The following SKAP2 variants were observed in gnomAD, a reference collection of about 807,000 sequenced individuals.
SKAP2 encodes the protein src kinase-associated phosphoprotein 2.
In SKAP2, 28 loss-of-function variants were observed where a neutral mutation model predicts 54.9. That is an observed-to-expected ratio of 0.51 (90% CI 0.38 to 0.70). SKAP2 has a LOEUF of 0.70. Ranked by LOEUF, SKAP2 falls within the 30% of genes least tolerant of loss-of-function variation. SKAP2 has a pLI of 0.00. For synonymous variants in SKAP2, 137 were observed against 134.3 expected, an observed-to-expected ratio of 1.02 and a Z score of -0.14; for missense variants, 356 against 424.1, an observed-to-expected ratio of 0.84 and a Z score of 1.41.
chr7:26,681,706 G>T (rs1786504403), intron 11 of SKAP2, among the ~76,000 whole-genome samples: 1 of 151,946 alleles, frequency 6.6e-6, no homozygotes, highest in Admixed American at 6.6e-5. Flanking sequence ...CTTTTAAATG[G>T]TCTTATTTAT....
intron 3 of SKAP2, among the ~76,000 whole-genome samples, chr7:26,850,140 A>T (rs1363161450): frequency 2.0e-5 from 3 of 152,224 alleles, no homozygotes; most frequent in African/African-American, 7.2e-5. Flanking sequence ...TTTCAAGTCA[A>T]CTAAGAGACC....
intron 4 of SKAP2, among the ~76,000 whole-genome samples, chr7:26,809,354 A>C (rs920118443): frequency 1.3e-5 from 2 of 152,154 alleles, no homozygotes; most frequent in African/African-American, 4.8e-5. Flanking sequence ...CAGAGGTTGC[A>C]GTGAGCCAAG....
intron 4 of SKAP2, among the ~76,000 whole-genome samples, chr7:26,804,853 A>AG (rs1477621216): frequency 2.0e-5 from 3 of 152,218 alleles, no homozygotes; most frequent in African/African-American, 7.2e-5. Flanking sequence ...ACTAGTAAAA[A>AG]GAAAAGCCAG....
chr7:26,689,883 A>G, intron 10 of SKAP2, among the ~76,000 whole-genome samples: 1 of 152,202 alleles, frequency 6.6e-6, no homozygotes, highest in East Asian at 1.9e-4. Flanking sequence ...GTTCTGCTCA[A>G]GCACAAAGTA....
chr7:26,665,777 G>A (rs1474128083), downstream of SKAP2, among the ~76,000 whole-genome samples: 2 of 152,098 alleles, frequency 1.3e-5, no homozygotes, highest in African/African-American at 2.4e-5. Context: ...AAAGCAGTAG[G>A]CGTATAATAA....
chr7:26,814,270 C>A, intron 4 of SKAP2, among the ~76,000 whole-genome samples: 1 of 152,020 alleles, frequency 6.6e-6, no homozygotes, highest in Non-Finnish European at 1.5e-5. Flanking sequence ...TTTTCTATAG[C>A]CCACCTCCTC....
At chr7:26,680,538 T>C (rs1786468368) in intron 11 of SKAP2, among the ~76,000 whole-genome samples, 1 of 152,212 alleles carries the variant, frequency 6.6e-6, no homozygotes, top group African/African-American at 2.4e-5. Context: ...TCACTAACAA[T>C]ACAACTGTCA....
chr7:26,721,089 A>C (rs1185262391), intron 9 of SKAP2, among the ~76,000 whole-genome samples: 1 of 152,218 alleles, frequency 6.6e-6, no homozygotes, highest in Non-Finnish European at 1.5e-5. Flanking sequence ...ATGTGGTTCT[A>C]TGAAAATTAA....
intron 4 of SKAP2, among the ~76,000 whole-genome samples, chr7:26,781,371 C>T (rs1783422505): frequency 6.6e-6 from 1 of 152,002 alleles, no homozygotes; most frequent in South Asian, 2.1e-4. Flanking sequence ...TATTAGCCCA[C>T]CTTTCATATG....
intron 7 of SKAP2, among the ~76,000 whole-genome samples, chr7:26,726,382 T>G (rs1787709801): frequency 6.6e-6 from 1 of 152,144 alleles, no homozygotes; most frequent in African/African-American, 2.4e-5. Context: ...TAACTGGCTT[T>G]CAACTGCAAT....
intron 4 of SKAP2, among the ~76,000 whole-genome samples, chr7:26,825,580 TAAAAA>T (rs3069884): frequency 2.3e-5 from 3 of 129,080 alleles, no homozygotes; most frequent in Non-Finnish European, 4.9e-5. Flanking sequence ...AGCAAACAGT[TAAAAA>T]AAAAAAAAAA....
rs1233526177 is a variant in SKAP2, at chr7:26,725,336, CGAG to C, written c.796+89_796+91del. ...GGTCACCATTTTCTACTCAAGCTGTCGAGGACAAATCACACACACAAACACACA... is the reference window on the plus strand; with the variant it reads ...GGTCACCATTTTCTACTCAAGCTGTCGACAAATCACACACACAAACACACA... On this transcript the variant is annotated intron_variant, in intron 9 of 12. Transcript: ENST00000345317. 1.7e-5 allele frequency: 15 copies of C among 877,302 alleles called. No individual in the cohort carries two copies. The African/African-American group carries it at 2.6e-4, about 15-fold the overall frequency. The allele number at this position is 877,302 out of a possible 1,614,324, so 54.3% of individuals were successfully genotyped here.
At chr7:26,655,460 T>C in the SKAP2 span, among the ~76,000 whole-genome samples, 10 of 152,188 alleles carry the variant, frequency 6.6e-5, no homozygotes, top group African/African-American at 9.6e-5. Context: ...TTGTAAACCA[T>C]TGTATGATGA....
At chr7:26,762,913 A>C (rs1782964268) in intron 4 of SKAP2, among the ~76,000 whole-genome samples, 1 of 152,202 alleles carries the variant, frequency 6.6e-6, no homozygotes, top group Non-Finnish European at 1.5e-5. Context: ...AGAGAACAAA[A>C]TAATGCCCTT....
At chr7:26,779,769 G>T (rs1419623912) in intron 4 of SKAP2, among the ~76,000 whole-genome samples, 1 of 151,938 alleles carries the variant, frequency 6.6e-6, no homozygotes, top group Non-Finnish European at 1.5e-5. Flanking sequence ...ATAAACAACA[G>T]AAAATATGCC....
chr7:26,859,032 A>T (rs1785230114), intron 1 of SKAP2, among the ~76,000 whole-genome samples: 1 of 152,108 alleles, frequency 6.6e-6, no homozygotes, highest in Non-Finnish European at 1.5e-5. Flanking sequence ...CCTGAATTGT[A>T]TGGGGGAGGG....
intron 4 of SKAP2, among the ~76,000 whole-genome samples, chr7:26,750,873 A>T (rs1482705073): frequency 2.0e-5 from 3 of 152,160 alleles, no homozygotes; most frequent in Non-Finnish European, 4.4e-5. Flanking sequence ...TTTCCACTCA[A>T]CTATGCTTTA....
chr7:26,844,706 A>G (rs959325305), intron 3 of SKAP2, among the ~76,000 whole-genome samples: 5 of 152,112 alleles, frequency 3.3e-5, no homozygotes, highest in Non-Finnish European at 7.4e-5. Context: ...CAGAGCACAA[A>G]TCTTTTAAAA....
intron 4 of SKAP2, among the ~76,000 whole-genome samples, chr7:26,828,104 G>A (rs919937820): frequency 5.3e-5 from 8 of 151,996 alleles, no homozygotes; most frequent in East Asian, 1.9e-4. Flanking sequence ...AGATCCCACC[G>A]CTATAACTAT....
Sources: allele counts gnomAD v4.1 joint callset (sites outside exome capture counted in the v4.1 genomes callset), GRCh38; gene constraint gnomAD v4.1.1; transcripts MANE v1.5; gene names NCBI Gene and HGNC (gene_info 2026-07-23, HGNC 2026-07-21).